The following IDNK variants were observed in gnomAD, a reference collection of about 807,000 sequenced individuals.
IDNK encodes the protein IDNK gluconokinase.
IDNK carries 9 observed loss-of-function variants against 13.0 expected under a neutral mutation model. The observed-to-expected ratio is 0.69, with a 90% CI of 0.42 to 1.21. The LOEUF is 1.21. Ranked by LOEUF, IDNK falls within the 50% of genes most tolerant of loss-of-function variation. The pLI, the probability that IDNK is intolerant of heterozygous loss-of-function variation, is 0.00. For missense variants in IDNK, 210 were observed against 237.8 expected (o/e 0.88, Z 0.77); for synonymous variants, 92 against 94.9 (o/e 0.97, Z 0.18).
intron 1 of IDNK, 87 bp from the exon 2 acceptor site, chr9:83,628,094 C>A: frequency 2.6e-6 from 4 of 1,541,584 alleles, no homozygotes; most frequent in Non-Finnish European, 3.5e-6. Flanking sequence ...GCTAAGGCAG[C>A]CATCCCTTTC....
intron 3 of IDNK, among the ~76,000 whole-genome samples, chr9:83,633,697 G>T (rs562689063): frequency 5.9e-5 from 9 of 152,196 alleles, no homozygotes; most frequent in Non-Finnish European, 1.2e-4. Context: ...GCAGCTCAAT[G>T]AATTATATAC....
rs1831376084 is a variant in IDNK at position 83,643,574 on chromosome 9, C to G, written c.358C>G (p.Leu120Val). 6.2e-7 allele frequency: 1 copy of G among 1,614,000 alleles called. No homozygotes were observed. The highest frequency in any genetic ancestry group is 8.5e-7 in the Non-Finnish European group (1 of 1,180,000). The change falls in exon 5 of 5, where the codon CTG becomes GTG. Residue 120 changes from leucine to valine, a missense_variant. Leu to Val is a conservative substitution (Grantham distance 32, BLOSUM62 1). Transcript: ENST00000376419. ...KEAKQAEMQL[L>V]VVHLSGSFEV... ...AGCAAAGCAGGCTGAGATGCAGCTC[C>G]TGGTGGTCCATCTGAGCGGGTCGTT... is the stretch of plus-strand genomic sequence containing the variant.
At chr9:83,623,362 C>G (rs962213912) in intron 1 of IDNK, 141 bp downstream of exon 1, 32 of 788,578 alleles carry the variant, frequency 4.1e-5, no homozygotes, top group Non-Finnish European at 6.0e-5. Flanking sequence ...AACCGAGGCC[C>G]GCGGCTGCCG....
chr9:83,633,784 GTCTT>G (rs1371634359), intron 3 of IDNK, among the ~76,000 whole-genome samples: 2 of 152,236 alleles, frequency 1.3e-5, no homozygotes, highest in African/African-American at 2.4e-5. Flanking sequence ...AGCAAAGGGA[GTCTT>G]TCTAACTTCA....
intron 4 of IDNK, among the ~76,000 whole-genome samples, chr9:83,642,459 TATA>T (rs750814278): frequency 1.3e-5 from 2 of 151,238 alleles, no homozygotes; most frequent in Non-Finnish European, 3.0e-5. Context: ...GGGTTTCTAA[TATA>T]ATATACTCAT....
At chr9:83,636,435 C>T (rs1831167882) in intron 3 of IDNK, among the ~76,000 whole-genome samples, 1 of 152,204 alleles carries the variant, frequency 6.6e-6, no homozygotes, top group Non-Finnish European at 1.5e-5. Context: ...CCATTCCCCA[C>T]CATAAGCCCA....
At chr9:83,627,889 G>A in intron 1 of IDNK, 1 of 373,874 alleles carries the variant, frequency 2.7e-6, no homozygotes. Context: ...TTACACAACA[G>A]GGACCAAAAA....
intron 2 of IDNK, 71 bp downstream of exon 2, chr9:83,628,282 T>C: frequency 7.6e-7 from 1 of 1,322,884 alleles, no homozygotes; most frequent in Non-Finnish European, 1.1e-6. Context: ...ATCTCTGCCT[T>C]TTTTCTGCTT....
At position 83,641,539 on chromosome 9, in the gene IDNK, T is replaced by C. The variant is rs200938005; in HGVS notation, c.169-9T>C. Reference sequence around the variant, plus strand: ...GTTGTGTCTGGGTTTTTGTTTTTGTTTTTTTCAGGACCGGATTCCATGGCT... The same window carrying C: ...GTTGTGTCTGGGTTTTTGTTTTTGTCTTTTTCAGGACCGGATTCCATGGCT... On this transcript the variant is annotated splice_polypyrimidine_tract_variant and intron_variant, in intron 3 of 4. Transcript: ENST00000376419. The C allele has an allele frequency of 1.7e-5, 27 of 1,613,918 alleles. No homozygotes were observed. Among genetic ancestry groups the C allele is most frequent in the Non-Finnish European group, 1.9e-5 (22 of 1,180,054 alleles).
At chr9:83,633,683 C>G (rs1441863745) in intron 3 of IDNK, among the ~76,000 whole-genome samples, 1 of 152,172 alleles carries the variant, frequency 6.6e-6, no homozygotes, top group Non-Finnish European at 1.5e-5. Context: ...ATTTAAATCC[C>G]AGAGCAGCTC....
chr9:83,632,628 T>C (rs981219224), intron 3 of IDNK, among the ~76,000 whole-genome samples: 1 of 151,362 alleles, frequency 6.6e-6, no homozygotes, highest in African/African-American at 2.4e-5. Flanking sequence ...CAAATTTATG[T>C]TGGGCCACAT....
intron 3 of IDNK, among the ~76,000 whole-genome samples, chr9:83,634,343 T>C (rs556310653): frequency 6.6e-6 from 1 of 152,356 alleles, no homozygotes; most frequent in South Asian, 2.1e-4. Context: ...TAGTTTTATA[T>C]TTATGTTTAT....
At chr9:83,640,093 ATGT>A (rs1216435946) in intron 3 of IDNK, among the ~76,000 whole-genome samples, 2 of 152,188 alleles carry the variant, frequency 1.3e-5, no homozygotes, top group East Asian at 1.9e-4. Context: ...GCCATCATAA[ATGT>A]TGTAGCTACC....
At chr9:83,637,825 T>A (rs1181303455) in intron 3 of IDNK, among the ~76,000 whole-genome samples, 31 of 152,168 alleles carry the variant, frequency 2.0e-4, no homozygotes, top group Non-Finnish European at 7.3e-5. Flanking sequence ...AGCATTGATG[T>A]CAAGTTGTAG....
rs752597159 is a variant in IDNK at position 83,643,493 on chromosome 9, A to G, written c.277A>G (p.Ile93Val). 1.2e-6 allele frequency: 2 copies of G among 1,613,948 alleles called. No homozygotes were observed. Among genetic ancestry groups the G allele is most frequent in the Non-Finnish European group, 1.7e-6 (2 of 1,179,948 alleles). The stretch of plus-strand genomic sequence containing the variant: ...AGCCCTGAAGAAAACGTACAGAGAC[A>G]TATTAACACAAGGAAAAGATGGTGT... ...CSALKKTYRDILTQGKDGVAL... is the reference protein window; with the variant it reads ...CSALKKTYRDVLTQGKDGVAL... The change falls in exon 5 of 5, where the codon ATA (isoleucine) becomes GTA (valine). Residue 93 changes from isoleucine (I) to valine (V), a missense_variant. By Grantham distance (29) the Ile-to-Val change is conservative. Transcript: ENST00000376419.
chr9:83,627,184 T>A (rs531942858), intron 1 of IDNK: 2 of 152,366 alleles, frequency 1.3e-5, no homozygotes, highest in African/African-American at 4.8e-5. Flanking sequence ...GAGGGCATGA[T>A]AAAATAGTAT....
Position 83,626,477 on chromosome 9 carries a change from C to T in IDNK, c.51-1704C>T, listed in dbSNP as rs141330202. ...TGTCGCCCAGGCTGGAGTACAGTGG[C>T]GTGATCTCGGCTCACTGCAACCTCT... On this transcript the variant is annotated intron_variant, in intron 1 of 4. Coordinates refer to ENST00000376419, the MANE Select transcript of IDNK (RefSeq NM_001001551.4). The T allele has an allele frequency of 1.1e-3, 406 of 363,868 alleles. 2 individuals carry two copies. Among genetic ancestry groups the T allele is most frequent in the African/African-American group, 7.8e-3 (362 of 46,622 alleles). The allele number at this position is 363,868 out of a possible 1,614,324, so 22.5% of individuals were successfully genotyped here. A position where few individuals can be genotyped will look rare whatever the true frequency, so the allele number is the denominator to read the frequency against.
chr9:83,632,116 ATTC>A (rs1045593875), intron 3 of IDNK, among the ~76,000 whole-genome samples: 2 of 152,150 alleles, frequency 1.3e-5, no homozygotes, highest in Non-Finnish European at 2.9e-5. Flanking sequence ...GAATTTTGGA[ATTC>A]TTCTTTTTCA....
chr9:83,624,688 T>C (rs1054259934), intron 1 of IDNK, among the ~76,000 whole-genome samples: 2 of 149,150 alleles, frequency 1.3e-5, no homozygotes, highest in Non-Finnish European at 3.0e-5. Flanking sequence ...GCAATGGTTC[T>C]GAGGCTTAGC....
Sources: gnomAD v4.1 joint callset for allele counts (sites outside exome capture counted in the v4.1 genomes callset) on GRCh38, gnomAD v4.1.1 for gene constraint, MANE v1.5 for transcripts, NCBI Gene and HGNC (gene_info 2026-07-23, HGNC 2026-07-21) for gene names.